Variants in SLC4A4 observed in about 807,000 individuals in gnomAD.
SLC4A4 encodes the protein electrogenic sodium bicarbonate cotransporter 1.
In SLC4A4, 27 loss-of-function variants were observed where a neutral mutation model predicts 111.5. The observed-to-expected ratio is 0.24, with a 90% CI of 0.18 to 0.33. SLC4A4 has a LOEUF of 0.33. Ranked by LOEUF, SLC4A4 falls within the 10% of genes least tolerant of loss-of-function variation. The pLI, the probability that SLC4A4 is intolerant of heterozygous loss-of-function variation, is 1.00. For synonymous variants in SLC4A4, 443 were observed against 463.4 expected, an observed-to-expected ratio of 0.96 and a Z score of 0.57; for missense variants, 909 against 1,315.5, an observed-to-expected ratio of 0.69 and a Z score of 4.78.
At chr4:71,558,904 A>G (rs1560621397) in intron 22 of SLC4A4, among the ~76,000 whole-genome samples, 1 of 151,870 alleles carries the variant, frequency 6.6e-6, no homozygotes, top group Non-Finnish European at 1.5e-5. Flanking sequence ...CACACTGAGT[A>G]TGAGAAACAC....
Position 71,448,163 on chromosome 4 carries a change from T to TA in SLC4A4, c.1053+437dup, listed in dbSNP as rs1577928785. ...GGTGAAAACCCGTTTCTACTAAAAA[T>TA]AAAAAAATTAGCCAGGCATGGTGGT... is the stretch of plus-strand genomic sequence containing the variant. On this transcript the variant is annotated intron_variant, in intron 9 of 25. Coordinates refer to ENST00000264485, the MANE Select transcript of SLC4A4 (RefSeq NM_001098484.3). Among the ~76,000 whole-genome samples the TA allele has an allele frequency of 4.6e-5, 7 of 151,640 alleles. No homozygotes were observed. The South Asian group carries it at 1.5e-3, about 32-fold the overall frequency.
At chr4:71,219,166 CA>C (rs1718597500) in intron 1 of SLC4A4, among the ~76,000 whole-genome samples, 1 of 152,174 alleles carries the variant, frequency 6.6e-6, no homozygotes, top group African/African-American at 2.4e-5. Flanking sequence ...GAAGGCATCT[CA>C]AAAGCCAAGA....
intron 3 of SLC4A4, among the ~76,000 whole-genome samples, chr4:71,262,354 G>C (rs1721922183): frequency 6.6e-6 from 1 of 152,144 alleles, no homozygotes; most frequent in East Asian, 1.9e-4. Context: ...AAATTCTGCG[G>C]AATTCTTCCA....
At chr4:71,273,634 G>T (rs563668728) in intron 3 of SLC4A4, among the ~76,000 whole-genome samples, 1 of 151,352 alleles carries the variant, frequency 6.6e-6, no homozygotes, top group Admixed American at 6.6e-5. Context: ...GGGTAAAGCC[G>T]ACTTGCTCCT....
At chr4:71,336,042 G>C (rs1728412130) in intron 3 of SLC4A4, among the ~76,000 whole-genome samples, 1 of 152,100 alleles carries the variant, frequency 6.6e-6, no homozygotes, top group Non-Finnish European at 1.5e-5. Flanking sequence ...TGTAAGATCA[G>C]AGATCTTTTT....
At chr4:71,093,707 A>G (rs1242138227) in intron 2 of SLC4A4, among the ~76,000 whole-genome samples, 1 of 152,138 alleles carries the variant, frequency 6.6e-6, no homozygotes, top group Non-Finnish European at 1.5e-5. Flanking sequence ...GAGCGTGGAG[A>G]TGCATTTTCC....
At chr4:71,437,150 G>A in intron 7 of SLC4A4, 1 of 459,504 alleles carries the variant, frequency 2.2e-6, no homozygotes, top group Admixed American at 2.5e-5. Flanking sequence ...AGATCCGTCA[G>A]AGGGATGCCA....
intron 6 of SLC4A4, among the ~76,000 whole-genome samples, chr4:71,384,020 T>C (rs1179323570): frequency 6.6e-6 from 1 of 152,150 alleles, no homozygotes; most frequent in African/African-American, 2.4e-5. Flanking sequence ...CTTGATGTAA[T>C]TTAGGAGTAG....
At chr4:71,213,150 T>C (rs560396123) in intron 1 of SLC4A4, among the ~76,000 whole-genome samples, 2 of 152,320 alleles carry the variant, frequency 1.3e-5, no homozygotes, top group African/African-American at 4.8e-5. Flanking sequence ...AAACGATGCA[T>C]TTCTTGGAAT....
At chr4:71,532,315 C>T in intron 17 of SLC4A4, 140 bp downstream of exon 17, 1 of 675,174 alleles carries the variant, frequency 1.5e-6, no homozygotes, top group Non-Finnish European at 2.7e-6. Flanking sequence ...CTCTTAGGCT[C>T]ATATATACAT....
intron 3 of SLC4A4, among the ~76,000 whole-genome samples, chr4:71,276,499 C>T (rs1723075653): frequency 6.6e-6 from 1 of 152,034 alleles, no homozygotes; most frequent in Admixed American, 6.6e-5. Flanking sequence ...AATCTGTTTT[C>T]CATCTTTGTA....
intron 1 of SLC4A4, among the ~76,000 whole-genome samples, chr4:71,195,870 G>A (rs1168326463): frequency 6.6e-6 from 1 of 152,234 alleles, no homozygotes; most frequent in Non-Finnish European, 1.5e-5. Flanking sequence ...CTTCAGCATG[G>A]AAATCTGTTG....
At chr4:71,109,232 C>A (rs1743025200) in intron 2 of SLC4A4, among the ~76,000 whole-genome samples, 1 of 152,130 alleles carries the variant, frequency 6.6e-6, no homozygotes, top group Admixed American at 6.6e-5. Context: ...GAGCCTACAT[C>A]TTTTCCTGGG....
chr4:71,350,118 T>C (rs907342146), intron 5 of SLC4A4, 46 bp downstream of exon 5: 2 of 1,593,628 alleles, frequency 1.3e-6, no homozygotes, highest in Non-Finnish European at 8.6e-7. Flanking sequence ...CGGCTTTCCC[T>C]AGCCACATGT....
chr4:71,067,753 CT>C (rs900317408), intron 1 of SLC4A4, among the ~76,000 whole-genome samples: 127 of 145,904 alleles, frequency 8.7e-4, no homozygotes, highest in African/African-American at 9.0e-4. Context: ...GCCTCTTAAA[CT>C]TTTTTTTTTT....
At chr4:71,225,875 C>T (rs149904452) in intron 1 of SLC4A4, among the ~76,000 whole-genome samples, 77 of 152,258 alleles carry the variant, frequency 5.1e-4, no homozygotes, top group African/African-American at 1.7e-3. Context: ...AATTAACTGA[C>T]GATTTTAGTT....
chr4:71,331,732 A>G (rs1005814785), intron 3 of SLC4A4, among the ~76,000 whole-genome samples: 2 of 149,412 alleles, frequency 1.3e-5, no homozygotes, highest in African/African-American at 2.5e-5. Flanking sequence ...AAGTATTGAA[A>G]AAAAAAAAAA....
intron 6 of SLC4A4, among the ~76,000 whole-genome samples, chr4:71,385,413 C>T (rs1434234012): frequency 6.6e-6 from 1 of 151,256 alleles, no homozygotes; most frequent in Admixed American, 6.6e-5. Flanking sequence ...GATCAGGCTG[C>T]TCTCGAACTA....
intron 1 of SLC4A4, among the ~76,000 whole-genome samples, chr4:71,083,960 G>A (rs1742069364): frequency 6.6e-6 from 1 of 151,402 alleles, no homozygotes; most frequent in Non-Finnish European, 1.5e-5. Flanking sequence ...TTTGGTAGTG[G>A]GATCTATGTA....
Sources: allele counts gnomAD v4.1 joint callset (sites outside exome capture counted in the v4.1 genomes callset), GRCh38; gene constraint gnomAD v4.1.1; transcripts MANE v1.5; gene names NCBI Gene and HGNC (gene_info 2026-07-23, HGNC 2026-07-21).